SKIC3: variants seen among roughly 807,000 people sequenced by gnomAD.
SKIC3 encodes the protein superkiller complex protein 3.
At chr5:95,488,605 A>G in the SKIC3 span, among the ~76,000 whole-genome samples, 1 of 152,222 alleles carries the variant, frequency 6.6e-6, no homozygotes, top group African/African-American at 2.4e-5. Context: ...AAATGAAGGG[A>G]AAATAAAGTT....
chr5:95,505,966 C>A, the SKIC3 span, among the ~76,000 whole-genome samples: 2 of 152,054 alleles, frequency 1.3e-5, no homozygotes, highest in African/African-American at 4.8e-5. Flanking sequence ...TAAAAAAAAT[C>A]TGTTTTCAAT....
the SKIC3 span, among the ~76,000 whole-genome samples, chr5:95,533,104 C>T: frequency 6.6e-6 from 1 of 151,844 alleles, no homozygotes; most frequent in Middle Eastern, 3.4e-3. Flanking sequence ...TTATCCTCCC[C>T]CATTTCAGTA....
At chr5:95,506,684 CT>C in the SKIC3 span, among the ~76,000 whole-genome samples, 2 of 152,192 alleles carry the variant, frequency 1.3e-5, no homozygotes, top group Non-Finnish European at 2.9e-5. Flanking sequence ...GAGACAGTCA[CT>C]ACCTCTCTTC....
chr5:95,497,143 G>A, the SKIC3 span, among the ~76,000 whole-genome samples: 1 of 152,142 alleles, frequency 6.6e-6, no homozygotes, highest in African/African-American at 2.4e-5. Context: ...AACATAATCT[G>A]CATGTGTTCA....
the SKIC3 span, among the ~76,000 whole-genome samples, chr5:95,499,755 G>A: frequency 6.6e-6 from 1 of 152,070 alleles, no homozygotes; most frequent in African/African-American, 2.4e-5. Context: ...TACATAATAA[G>A]TACAAATTGT....
chr5:95,524,515 C>T, the SKIC3 span: 1 of 1,613,574 alleles, frequency 6.2e-7, no homozygotes, highest in East Asian at 2.2e-5. Context: ...GTCTCTTCAC[C>T]CATGAACCAG....
the SKIC3 span, among the ~76,000 whole-genome samples, chr5:95,528,654 A>C: frequency 1.4e-4 from 22 of 152,266 alleles, no homozygotes; most frequent in Non-Finnish European, 2.6e-4. Flanking sequence ...CAAGATGCCT[A>C]AGGTTTCCCC....
At chr5:95,503,932 A>C in the SKIC3 span, 2 of 1,613,982 alleles carry the variant, frequency 1.2e-6, no homozygotes, top group Non-Finnish European at 1.7e-6. Context: ...CATATTCACC[A>C]GTGGAACTAA....
chr5:95,465,931 G>A, the SKIC3 span, among the ~76,000 whole-genome samples: 2 of 152,204 alleles, frequency 1.3e-5, no homozygotes, highest in African/African-American at 4.8e-5. Context: ...AAATGCAAGA[G>A]ATCCACGGCG....
At chr5:95,486,038 C>T in the SKIC3 span, among the ~76,000 whole-genome samples, 3 of 152,154 alleles carry the variant, frequency 2.0e-5, no homozygotes, top group East Asian at 1.9e-4. Context: ...AAGACAACCT[C>T]GTGACCCTTG....
the SKIC3 span, among the ~76,000 whole-genome samples, chr5:95,526,613 A>G: frequency 6.6e-6 from 1 of 152,074 alleles, no homozygotes; most frequent in South Asian, 2.1e-4. Flanking sequence ...AGCTGGGATT[A>G]CAGGTGCATA....
chr5:95,523,251 G>A, the SKIC3 span: 19 of 1,613,680 alleles, frequency 1.2e-5, no homozygotes, highest in Middle Eastern at 1.6e-4. Flanking sequence ...TATAGTCCTC[G>A]CCTAAGCCAG....
At chr5:95,514,323 G>C in the SKIC3 span, among the ~76,000 whole-genome samples, 2 of 151,992 alleles carry the variant, frequency 1.3e-5, no homozygotes, top group African/African-American at 4.8e-5. Context: ...AAAATCAGTA[G>C]GTAACAGACT....
chr5:95,548,679 CA>C, the SKIC3 span: 1 of 151,700 alleles, frequency 6.6e-6, no homozygotes, highest in African/African-American at 2.4e-5. Flanking sequence ...ACAATTTTCT[CA>C]AACCAGTTTC....
At chr5:95,466,823 A>T in the SKIC3 span, among the ~76,000 whole-genome samples, 12 of 152,222 alleles carry the variant, frequency 7.9e-5, no homozygotes, top group African/African-American at 2.9e-4. Flanking sequence ...GCTTTGGGAA[A>T]AACTCTTGAT....
the SKIC3 span, among the ~76,000 whole-genome samples, chr5:95,510,466 G>A: frequency 2.6e-5 from 4 of 152,206 alleles, no homozygotes; most frequent in Non-Finnish European, 5.9e-5. Flanking sequence ...ACAGCTGGAG[G>A]CTACAAGATT....
At chr5:95,508,735 C>T in the SKIC3 span, among the ~76,000 whole-genome samples, 2 of 152,218 alleles carry the variant, frequency 1.3e-5, no homozygotes, top group Non-Finnish European at 2.9e-5. Context: ...AGAACACATG[C>T]TCCATGAGAA....
the SKIC3 span, chr5:95,529,049 G>C: frequency 6.2e-7 from 1 of 1,613,698 alleles, no homozygotes; most frequent in African/African-American, 1.3e-5. Context: ...ATTTTGACTT[G>C]GGCTTCTGCC....
chr5:95,526,509 C>T, the SKIC3 span, among the ~76,000 whole-genome samples: 6 of 150,438 alleles, frequency 4.0e-5, 1 homozygote, highest in South Asian at 4.2e-4. Context: ...AGTCTCGCTT[C>T]GATGCCCAGG....
Sources: allele counts gnomAD v4.1 joint callset (sites outside exome capture counted in the v4.1 genomes callset), GRCh38; gene constraint gnomAD v4.1.1; transcripts MANE v1.5; gene names NCBI Gene and HGNC (gene_info 2026-07-23, HGNC 2026-07-21).